PPP3CA: variants seen among roughly 807,000 people sequenced by gnomAD.
The protein encoded by PPP3CA is CAM-PRP catalytic subunit.
A neutral mutation model predicts 66.5 loss-of-function variants in PPP3CA; 14 were observed. That is an observed-to-expected ratio of 0.21 (90% CI 0.14 to 0.33). The LOEUF (loss-of-function observed/expected upper bound fraction) is 0.33, where lower values mean the gene tolerates loss of function less well. Among genes scored for constraint, PPP3CA ranks in the 10% least tolerant of loss-of-function variants. The probability of loss-of-function intolerance (pLI) is 1.00; values close to 1 mark genes in which losing one functional copy is unlikely to be tolerated. For synonymous variants in PPP3CA, 232 were observed against 226.2 expected, an observed-to-expected ratio of 1.03 and a Z score of -0.23; for missense variants, 317 against 639.5, an observed-to-expected ratio of 0.50 and a Z score of 5.44.
At chr4:101,106,775 G>A (rs1730774952) in intron 3 of PPP3CA, among the ~76,000 whole-genome samples, 1 of 152,122 alleles carries the variant, frequency 6.6e-6, no homozygotes, top group South Asian at 2.1e-4. Context: ...GAGAAATGAT[G>A]GTTGAAACTG....
chr4:101,151,750 G>A (rs1578497945), intron 2 of PPP3CA, among the ~76,000 whole-genome samples: 2 of 135,400 alleles, frequency 1.5e-5, no homozygotes, highest in Admixed American at 8.1e-5. Context: ...TCCGCCTTCC[G>A]GGTTCAAGCA....
In PPP3CA at chr4:101,039,749, T is replaced by A. The variant is rs182668452; in HGVS notation, c.1241+733A>T. 2.8e-5 allele frequency among the ~76,000 whole-genome samples: 4 copies of A among 144,390 alleles called. No individual in the cohort carries two copies. The Admixed American group carries it at 2.8e-4, about 10-fold the overall frequency. 94.7% of individuals were successfully genotyped at this position (144,390 alleles called of 152,430 possible). Reference sequence around the variant, plus strand: ...TTGGGGCAAAAATTTGGCAAAAAATTTGATTATTAAATTATCCAATTGTAG... The same window carrying A: ...TTGGGGCAAAAATTTGGCAAAAAATATGATTATTAAATTATCCAATTGTAG... On this transcript the variant is annotated intron_variant, in intron 11 of 13. Coordinates refer to ENST00000394854, the MANE Select transcript of PPP3CA (RefSeq NM_000944.5).
intron 3 of PPP3CA, among the ~76,000 whole-genome samples, chr4:101,106,805 C>G (rs1730776701): frequency 6.6e-6 from 1 of 152,146 alleles, no homozygotes; most frequent in African/African-American, 2.4e-5. Context: ...TCTTGGGTTA[C>G]TAGTTTGTCT....
chr4:101,135,484 G>T (rs774368011), intron 2 of PPP3CA, among the ~76,000 whole-genome samples: 13 of 152,078 alleles, frequency 8.5e-5, no homozygotes, highest in Non-Finnish European at 1.9e-4. Context: ...TAAGAAAAAC[G>T]GAGGCTACCT....
chr4:101,169,721 C>T (rs1285163929), intron 2 of PPP3CA, among the ~76,000 whole-genome samples: 1 of 129,646 alleles, frequency 7.7e-6, no homozygotes, highest in African/African-American at 2.8e-5. Context: ...TGTTATATAC[C>T]AGAAGAAGTA....
intron 10 of PPP3CA, among the ~76,000 whole-genome samples, chr4:101,053,622 G>C (rs1728102712): frequency 6.6e-6 from 1 of 151,988 alleles, no homozygotes; most frequent in Non-Finnish European, 1.5e-5. Context: ...TCCAAATCCT[G>C]CTTGGGCATT....
At chr4:101,167,378 TA>T (rs1358078535) in intron 2 of PPP3CA, among the ~76,000 whole-genome samples, 3 of 152,160 alleles carry the variant, frequency 2.0e-5, no homozygotes, top group African/African-American at 4.8e-5. Context: ...ACAGCTTTAG[TA>T]AAAAAGCATC....
chr4:101,060,415 T>C (rs1285224692), intron 10 of PPP3CA, among the ~76,000 whole-genome samples: 1 of 152,136 alleles, frequency 6.6e-6, no homozygotes, highest in Non-Finnish European at 1.5e-5. Context: ...TTTTCTTCTC[T>C]AAGTACATTT....
chr4:101,253,878 A>C (rs918078816), intron 1 of PPP3CA, among the ~76,000 whole-genome samples: 1 of 151,990 alleles, frequency 6.6e-6, no homozygotes, highest in African/African-American at 2.4e-5. Flanking sequence ...AATTGATTCC[A>C]GTTTTCTCTG....
chr4:101,333,956 G>A (rs944464336), intron 1 of PPP3CA, among the ~76,000 whole-genome samples: 1 of 152,172 alleles, frequency 6.6e-6, no homozygotes, highest in Non-Finnish European at 1.5e-5. Context: ...ACAGTGCAGA[G>A]CCACACACGC....
chr4:101,074,776 T>C (rs1729107877), intron 8 of PPP3CA, among the ~76,000 whole-genome samples: 1 of 152,234 alleles, frequency 6.6e-6, no homozygotes, highest in African/African-American at 2.4e-5. Flanking sequence ...AAGTTGCTAA[T>C]TTATGAGTCC....
intron 13 of PPP3CA, among the ~76,000 whole-genome samples, chr4:101,027,660 A>G (rs1726721515): frequency 6.6e-6 from 1 of 152,204 alleles, no homozygotes; most frequent in South Asian, 2.1e-4. Flanking sequence ...TGTGAATATA[A>G]TTTCATCATA....
chr4:101,130,974 C>T (rs1291437146), intron 2 of PPP3CA, among the ~76,000 whole-genome samples: 2 of 152,088 alleles, frequency 1.3e-5, no homozygotes, highest in Non-Finnish European at 2.9e-5. Flanking sequence ...CACCTGTAAT[C>T]CCAGCACTTT....
intron 1 of PPP3CA, among the ~76,000 whole-genome samples, chr4:101,246,237 A>G (rs1291078079): frequency 6.6e-6 from 1 of 152,216 alleles, no homozygotes; most frequent in Non-Finnish European, 1.5e-5. Context: ...TGGCAGTATT[A>G]TTACCTGATA....
chr4:101,029,251 T>TA (rs1172956030), intron 12 of PPP3CA, 56 bp from the exon 13 acceptor site: 1 of 1,496,006 alleles, frequency 6.7e-7, no homozygotes, highest in African/African-American at 1.4e-5. Context: ...GAGGATTTTT[T>TA]AACTCTAAGA....
intron 8 of PPP3CA, among the ~76,000 whole-genome samples, chr4:101,073,610 A>T (rs1293635330): frequency 6.6e-6 from 1 of 152,088 alleles, no homozygotes; most frequent in East Asian, 1.9e-4. Flanking sequence ...TTTGTTTGTA[A>T]TTTCTACTTT....
chr4:101,169,576 T>G (rs1560637935), intron 2 of PPP3CA, among the ~76,000 whole-genome samples: 1 of 152,120 alleles, frequency 6.6e-6, no homozygotes, highest in Non-Finnish European at 1.5e-5. Flanking sequence ...GAGATCAACA[T>G]AAACTGAAAC....
intron 6 of PPP3CA, among the ~76,000 whole-genome samples, chr4:101,087,995 G>A (rs990039363): frequency 2.0e-5 from 3 of 152,030 alleles, no homozygotes; most frequent in African/African-American, 7.2e-5. Context: ...AATGACTCTG[G>A]TTGGATATGT....
chr4:101,123,323 T>C (rs1722089731), intron 2 of PPP3CA, among the ~76,000 whole-genome samples: 1 of 152,190 alleles, frequency 6.6e-6, no homozygotes, highest in African/African-American at 2.4e-5. Flanking sequence ...GACTCATTCA[T>C]CATGCTCATC....
Sources: allele counts gnomAD v4.1 joint callset (sites outside exome capture counted in the v4.1 genomes callset), GRCh38; gene constraint gnomAD v4.1.1; transcripts MANE v1.5; gene names NCBI Gene and HGNC (gene_info 2026-07-23, HGNC 2026-07-21).